Variants in FGF13 observed in about 807,000 individuals in gnomAD.
FGF13 encodes fibroblast growth factor homologous factor 2.
A neutral mutation model predicts 19.5 loss-of-function variants in FGF13; 2 were observed. The ratio of observed to expected loss-of-function variants is 0.10; its 90% CI spans 0.04 to 0.32. FGF13 has a LOEUF of 0.32. FGF13 is among the 10% of genes least tolerant of loss of function. The pLI is 1.00. For missense variants in FGF13, 113 were observed against 192.7 expected, an observed-to-expected ratio of 0.59 and a Z score of 2.45; for synonymous variants, 72 against 76.9, an observed-to-expected ratio of 0.94 and a Z score of 0.33.
intron 1 of FGF13, among the ~76,000 whole-genome samples, chrX:139,169,625 T>C (rs1456963079): frequency 9.0e-6 from 1 of 111,214 alleles, no homozygotes; most frequent in Non-Finnish European, 1.9e-5. Flanking sequence ...CGTCTGGCCC[T>C]GCTTTCTACC....
intron 3 of FGF13, among the ~76,000 whole-genome samples, chrX:138,800,371 G>C (rs2090818374): frequency 9.0e-6 from 1 of 111,476 alleles, no homozygotes; most frequent in Admixed American, 9.5e-5. Context: ...GGGTTGAAAA[G>C]TCTTTTCTTT....
intron 1 of FGF13, among the ~76,000 whole-genome samples, chrX:139,006,704 C>T (rs1213325316): frequency 4.5e-5 from 5 of 111,709 alleles, no homozygotes; most frequent in Non-Finnish European, 7.5e-5. Flanking sequence ...ATGAAATTGA[C>T]GTGTAGAATT....
intron 1 of FGF13, among the ~76,000 whole-genome samples, chrX:138,869,094 G>A (rs1433691222): frequency 9.0e-6 from 1 of 111,571 alleles, no homozygotes; most frequent in Non-Finnish European, 1.9e-5. Flanking sequence ...TACCTTATTA[G>A]TCAGGAAATA....
intron 1 of FGF13, among the ~76,000 whole-genome samples, chrX:138,936,022 T>C: frequency 8.9e-6 from 1 of 112,282 alleles, no homozygotes; most frequent in East Asian, 2.8e-4. Flanking sequence ...CAGGGTCACT[T>C]AGGCATCCTT....
chrX:139,100,602 C>A (rs2124457101), intron 1 of FGF13, among the ~76,000 whole-genome samples: 1 of 111,457 alleles, frequency 9.0e-6, no homozygotes, highest in Admixed American at 9.5e-5. Context: ...AGCTACAATA[C>A]AACAAAGACG....
chrX:138,993,880 A>T (rs1055302121), intron 1 of FGF13, among the ~76,000 whole-genome samples: 1 of 111,854 alleles, frequency 8.9e-6, no homozygotes, highest in African/African-American at 3.3e-5. Flanking sequence ...TCAAAAACCT[A>T]GTAGACACCA....
chrX:138,865,881 T>C (rs2091320301), intron 1 of FGF13, among the ~76,000 whole-genome samples: 1 of 111,598 alleles, frequency 9.0e-6, no homozygotes, highest in African/African-American at 3.3e-5. Context: ...TGGTCTATGA[T>C]GTTGTATCTT....
chrX:138,658,721 C>G (rs146898989), intron 3 of FGF13, among the ~76,000 whole-genome samples: 3 of 111,430 alleles, frequency 2.7e-5, no homozygotes, highest in African/African-American at 9.8e-5. Flanking sequence ...TAAAGTCTGG[C>G]AAATGCTCTG....
Position 138,701,536 on chromosome X carries a change from A to G in FGF13, c.402+1448T>C, listed in dbSNP as rs778193720. ...GTAAAAAGAGCAAACCCCCATATTT[A>G]TTAAGCAACCAGACCACTGAAATTG... On this transcript the variant is annotated intron_variant, in intron 3 of 4. Coordinates refer to ENST00000315930, the MANE Select transcript of FGF13 (RefSeq NM_004114.5). Among the ~76,000 whole-genome samples the G allele has an allele frequency of 2.7e-5, 3 of 112,630 alleles. No homozygotes were observed. The Admixed American group carries it at 2.8e-4, about 11-fold the overall frequency.
intron 3 of FGF13, among the ~76,000 whole-genome samples, chrX:138,760,892 C>G (rs1212585817): frequency 1.8e-5 from 2 of 111,735 alleles, no homozygotes; most frequent in Admixed American, 9.5e-5. Flanking sequence ...GCCTAGAAAG[C>G]TACAAGTGAA....
chrX:138,884,531 CT>C, intron 1 of FGF13, among the ~76,000 whole-genome samples: 1 of 112,493 alleles, frequency 8.9e-6, no homozygotes, highest in Non-Finnish European at 1.9e-5. Context: ...AAATTTGTTA[CT>C]TGGTATTATT....
intron 3 of FGF13, among the ~76,000 whole-genome samples, chrX:138,760,867 C>G (rs1184256313): frequency 8.9e-6 from 1 of 111,779 alleles, no homozygotes; most frequent in African/African-American, 3.3e-5. Context: ...TCTCTAACAT[C>G]TCACCATAAG....
At chrX:138,970,946 G>C (rs1443684561) in intron 1 of FGF13, among the ~76,000 whole-genome samples, 2 of 112,040 alleles carry the variant, frequency 1.8e-5, no homozygotes, top group Admixed American at 1.9e-4. Context: ...TTGGCAACTT[G>C]AGTTAAGAGT....
At chrX:139,024,642 T>C (rs73243305) in intron 1 of FGF13, among the ~76,000 whole-genome samples, 10,463 of 111,231 alleles carry the variant, frequency 0.094, 496 homozygotes, top group Non-Finnish European at 0.15. Flanking sequence ...GATTAATTCA[T>C]ATACTTCCTA....
At chrX:138,807,600 C>A (rs953833072) in intron 3 of FGF13, among the ~76,000 whole-genome samples, 9 of 111,647 alleles carry the variant, frequency 8.1e-5, no homozygotes, top group Non-Finnish European at 1.3e-4. Context: ...ACAATATTAA[C>A]ATTAACTGTA....
intron 3 of FGF13, among the ~76,000 whole-genome samples, chrX:138,682,269 C>G (rs2089736438): frequency 8.9e-6 from 1 of 112,357 alleles, no homozygotes; most frequent in South Asian, 3.6e-4. Flanking sequence ...TTTCCCATAG[C>G]TGTCTATAAG....
chrX:138,969,143 T>C (rs1471858251), intron 1 of FGF13, among the ~76,000 whole-genome samples: 3 of 111,799 alleles, frequency 2.7e-5, no homozygotes, highest in Admixed American at 9.5e-5. Flanking sequence ...GGAGAGTGAC[T>C]GAAAAACTCG....
chrX:139,144,342 C>T (rs1287224623), intron 1 of FGF13, among the ~76,000 whole-genome samples: 1 of 112,325 alleles, frequency 8.9e-6, no homozygotes, highest in African/African-American at 3.2e-5. Context: ...CAAGAAGTTG[C>T]TTCTCTCTTA....
intron 1 of FGF13, among the ~76,000 whole-genome samples, chrX:139,165,361 C>G (rs886733410): frequency 9.0e-6 from 1 of 111,641 alleles, no homozygotes; most frequent in African/African-American, 3.3e-5. Context: ...AAGAGAGTAG[C>G]GGAACAGAAA....
Sources: allele counts gnomAD v4.1 joint callset (sites outside exome capture counted in the v4.1 genomes callset), GRCh38; gene constraint gnomAD v4.1.1; transcripts MANE v1.5; gene names NCBI Gene and HGNC (gene_info 2026-07-23, HGNC 2026-07-21).